SH3PXD2B: variants seen among roughly 807,000 people sequenced by gnomAD.
SH3PXD2B encodes the protein SH3 and PX domain-containing protein 2B.
A neutral mutation model predicts 73.1 loss-of-function variants in SH3PXD2B; 37 were observed. That is an observed-to-expected ratio of 0.51 (90% confidence interval 0.39 to 0.67). SH3PXD2B has a LOEUF of 0.67. Ranked by LOEUF, SH3PXD2B falls within the 30% of genes least tolerant of loss-of-function variation. SH3PXD2B has a pLI of 0.00. For synonymous variants in SH3PXD2B, 457 were observed against 480.5 expected, an observed-to-expected ratio of 0.95 and a Z score of 0.64; for missense variants, 1,053 against 1,197.8, an observed-to-expected ratio of 0.88 and a Z score of 1.78.
chr5:172,418,033 C>G (rs1254697893), intron 2 of SH3PXD2B, among the ~76,000 whole-genome samples: 1 of 152,184 alleles, frequency 6.6e-6, no homozygotes, highest in East Asian at 1.9e-4. Flanking sequence ...AGTTTTAACT[C>G]ACGAGAACCT....
At position 172,454,144 on chromosome 5, in the gene SH3PXD2B, C is replaced by T. The variant is rs954055202; in HGVS notation, c.75+134G>A. The T allele has an allele frequency of 2.2e-5, 13 of 603,288 alleles. No homozygotes were observed. In the African/African-American group the frequency reaches 2.2e-4, roughly 10 times the overall value. 37.4% of individuals were successfully genotyped at this position (603,288 alleles called of 1,614,324 possible). A position where few individuals can be genotyped will look rare whatever the true frequency, so the allele number is the denominator to read the frequency against. On this transcript the variant is annotated intron_variant, in intron 1 of 12. Coordinates refer to ENST00000311601, the MANE Select transcript of SH3PXD2B (RefSeq NM_001017995.3). ...GTCGGGAGGGACCCGGGCAGCGCCGCCGCAGAGCCGAGGGGAGAGCAGGGG... is the reference window on the plus strand; with the variant it reads ...GTCGGGAGGGACCCGGGCAGCGCCGTCGCAGAGCCGAGGGGAGAGCAGGGG...
chr5:172,336,989 T>C lies in SH3PXD2B; in HGVS notation c.*1380A>G, dbSNP rs1756713555. ...CCTGGCCCTTGGTTACCTGCCTCCC[T>C]ATGGGACCGCTGCATGCTATGCTCA... On this transcript the variant is annotated 3_prime_UTR_variant, in exon 13 of 13. Coordinates refer to ENST00000311601, the MANE Select transcript of SH3PXD2B (RefSeq NM_001017995.3). 2.0e-6 allele frequency: 2 copies of C among 985,398 alleles called. No individual in the cohort carries two copies. Among genetic ancestry groups the C allele is most frequent in the African/African-American group, 1.7e-5 (1 of 57,238 alleles). 61.0% of individuals were successfully genotyped at this position (985,398 alleles called of 1,614,324 possible). A position where few individuals can be genotyped will look rare whatever the true frequency, so the allele number is the denominator to read the frequency against.
downstream of SH3PXD2B, among the ~76,000 whole-genome samples, chr5:172,332,087 T>C (rs1036500840): frequency 6.6e-6 from 1 of 152,188 alleles, no homozygotes; most frequent in Non-Finnish European, 1.5e-5. Flanking sequence ...GTTTGGTCCC[T>C]GATCATGGTC....
chr5:172,442,763 T>G (rs866587516), intron 1 of SH3PXD2B, among the ~76,000 whole-genome samples: 3 of 152,202 alleles, frequency 2.0e-5, no homozygotes, highest in Non-Finnish European at 4.4e-5. Context: ...CACTTCTACA[T>G]GCCAGGAAGG....
chr5:172,378,994 T>C (rs1757881240), intron 5 of SH3PXD2B, among the ~76,000 whole-genome samples: 1 of 140,262 alleles, frequency 7.1e-6, no homozygotes, highest in Non-Finnish European at 1.5e-5. Flanking sequence ...GGTGTGAACC[T>C]GGGAGGCGGA....
intron 7 of SH3PXD2B, 136 bp from the exon 8 acceptor site, chr5:172,359,013 A>T: frequency 1.2e-6 from 1 of 827,798 alleles, no homozygotes; most frequent in East Asian, 2.7e-5. Flanking sequence ...TTGGTAGAAC[A>T]CAACTACCAA....
Position 172,338,053 on chromosome 5 carries a change from G to T in SH3PXD2B, c.*316C>A, listed in dbSNP as rs1168684674. 4.7e-6 allele frequency: 6 copies of T among 1,287,630 alleles called. No homozygotes were observed. The highest frequency in any genetic ancestry group is 1.6e-5 in the South Asian group (1 of 62,778). The allele number at this position is 1,287,630 out of a possible 1,614,324, so 79.8% of individuals were successfully genotyped here. Reference sequence around the variant, plus strand: ...ATGGGATCCAGTCCTGGAGGTCTTGGAGAGTCTTGGTCCCACTGCTGGGTG... The same window carrying T: ...ATGGGATCCAGTCCTGGAGGTCTTGTAGAGTCTTGGTCCCACTGCTGGGTG... On this transcript the variant is annotated 3_prime_UTR_variant, in exon 13 of 13. Coordinates refer to ENST00000311601, the MANE Select transcript of SH3PXD2B (RefSeq NM_001017995.3). This position sits in a 1 kb window ranked among gnomAD's most constrained non-coding sequence, Gnocchi z 5.1.
intron 6 of SH3PXD2B, among the ~76,000 whole-genome samples, chr5:172,365,525 G>C (rs1328389909): frequency 1.3e-5 from 2 of 152,188 alleles, no homozygotes; most frequent in African/African-American, 4.8e-5. Flanking sequence ...GGCTCAGTCT[G>C]ACATCTCTGG....
downstream of SH3PXD2B, among the ~76,000 whole-genome samples, chr5:172,329,326 C>T (rs181229932): frequency 1.2e-4 from 18 of 150,742 alleles, no homozygotes; most frequent in Middle Eastern, 3.4e-3. Flanking sequence ...TCAAGTGATC[C>T]GATCACCTCA....
intron 12 of SH3PXD2B, among the ~76,000 whole-genome samples, chr5:172,345,835 G>A (rs1756985060): frequency 6.6e-6 from 1 of 152,204 alleles, no homozygotes; most frequent in Non-Finnish European, 1.5e-5. Flanking sequence ...ACAGAAAGTG[G>A]ATTGGTGGCT....
intron 10 of SH3PXD2B, among the ~76,000 whole-genome samples, chr5:172,348,845 T>C (rs1405362575): frequency 6.6e-6 from 1 of 152,096 alleles, no homozygotes; most frequent in Non-Finnish European, 1.5e-5. Flanking sequence ...TAGCTGGGAC[T>C]ACAGGTGTGT....
intron 2 of SH3PXD2B, among the ~76,000 whole-genome samples, chr5:172,407,574 A>G (rs1284708086): frequency 6.6e-6 from 1 of 152,256 alleles, no homozygotes; most frequent in Non-Finnish European, 1.5e-5. Context: ...ATCAAAGCAG[A>G]TGGTGAGGGA....
chr5:172,432,574 T>C (rs1561580284), intron 1 of SH3PXD2B, among the ~76,000 whole-genome samples: 1 of 152,178 alleles, frequency 6.6e-6, no homozygotes, highest in Non-Finnish European at 1.5e-5. Flanking sequence ...GCTTTTGAGT[T>C]ACAAATAAAT....
downstream of SH3PXD2B, among the ~76,000 whole-genome samples, chr5:172,330,706 G>C (rs547059985): frequency 6.6e-6 from 1 of 152,124 alleles, no homozygotes. Flanking sequence ...TTATAGATTC[G>C]GGAACTTATG....
intron 4 of SH3PXD2B, among the ~76,000 whole-genome samples, chr5:172,388,581 C>G (rs2113386097): frequency 6.6e-6 from 1 of 152,314 alleles, no homozygotes; most frequent in South Asian, 2.1e-4. Context: ...CCATTTCAAG[C>G]ATCAGGCTGC....
intron 2 of SH3PXD2B, among the ~76,000 whole-genome samples, chr5:172,422,149 C>T (rs556931033): frequency 2.0e-5 from 3 of 152,192 alleles, no homozygotes; most frequent in African/African-American, 7.2e-5. Context: ...CACCCGTCAC[C>T]GCACCTGGCT....
chr5:172,350,670 G>C, intron 9 of SH3PXD2B, 81 bp from the exon 10 acceptor site: 1 of 1,411,646 alleles, frequency 7.1e-7, no homozygotes, highest in Admixed American at 2.0e-5. Flanking sequence ...GGAATCACAT[G>C]ACAGGTCCCA....
chr5:172,443,029 G>A (rs1239171916), intron 1 of SH3PXD2B, among the ~76,000 whole-genome samples: 1 of 152,158 alleles, frequency 6.6e-6, no homozygotes, highest in South Asian at 2.1e-4. Context: ...GATTTAAAAT[G>A]AGTAAAACAC....
At chr5:172,326,079 G>A (rs1247501671) in intron 12 of SH3PXD2B, among the ~76,000 whole-genome samples, 2 of 152,180 alleles carry the variant, frequency 1.3e-5, no homozygotes, top group Non-Finnish European at 2.9e-5. Context: ...GAGCCACCGC[G>A]CCTGGCTGGC....
Sources: allele counts gnomAD v4.1 joint callset (sites outside exome capture counted in the v4.1 genomes callset), GRCh38; gene constraint gnomAD v4.1.1; non-coding constraint Gnocchi (gnomAD v3.1); transcripts MANE v1.5; gene names NCBI Gene and HGNC (gene_info 2026-07-23, HGNC 2026-07-21).